The following CACNA1S variants were observed in gnomAD, a reference collection of about 807,000 sequenced individuals.
CACNA1S encodes the protein calcium voltage-gated channel subunit alpha1 S.
In CACNA1S, 126 loss-of-function variants were observed where a neutral mutation model predicts 207.4. That is an observed-to-expected ratio of 0.61 (90% CI 0.53 to 0.70). The LOEUF (loss-of-function observed/expected upper bound fraction) is 0.70. CACNA1S is among the 30% of genes least tolerant of loss of function. CACNA1S has a pLI of 0.00. For missense variants in CACNA1S, 2,349 were observed against 2,422.8 expected (o/e 0.97, Z 0.64); for synonymous variants, 960 against 932.7 (o/e 1.03, Z -0.53).
intron 2 of CACNA1S, among the ~76,000 whole-genome samples, chr1:201,095,027 GC>G (rs1337588689): frequency 1.3e-5 from 2 of 151,992 alleles, no homozygotes; most frequent in Non-Finnish European, 2.9e-5. Flanking sequence ...AAGAGCTCTG[GC>G]CTCCAGGCCT....
At chr1:201,069,803 T>C (rs1304912730) in intron 17 of CACNA1S, among the ~76,000 whole-genome samples, 1 of 152,132 alleles carries the variant, frequency 6.6e-6, no homozygotes, top group Non-Finnish European at 1.5e-5. Context: ...AAAGCCTTAG[T>C]TCCTCCTCCC....
intron 2 of CACNA1S, among the ~76,000 whole-genome samples, chr1:201,096,785 A>G (rs1196163430): frequency 2.0e-5 from 3 of 152,174 alleles, no homozygotes; most frequent in Non-Finnish European, 4.4e-5. Context: ...TGAATACATC[A>G]CAGCTATTCT....
At chr1:201,087,963 A>G in intron 6 of CACNA1S, 34 bp from the exon 7 acceptor site, 1 of 1,438,706 alleles carries the variant, frequency 7.0e-7, no homozygotes. Flanking sequence ...CTCTGAGTTG[A>G]GGGCTTGGTT....
intron 40 of CACNA1S, 35 bp downstream of exon 40, chr1:201,043,246 C>T (rs369907795): frequency 6.2e-7 from 1 of 1,613,766 alleles, no homozygotes; most frequent in Non-Finnish European, 8.5e-7. Flanking sequence ...CCTCCCAGTA[C>T]CTCTACACCC....
In CACNA1S at chr1:201,047,534, G is replaced by T; in HGVS notation, c.4534C>A (p.Pro1512Thr). The change falls in exon 37 of 44, where the codon CCA becomes ACA. Residue 1512 changes from proline (P) to threonine (T), a missense_variant. Coordinates refer to ENST00000362061, the MANE Select transcript of CACNA1S (RefSeq NM_000069.3). ...SMKLLDQVIPPIGDDEVTVGK... is the reference protein window; with the variant it reads ...SMKLLDQVIPTIGDDEVTVGK... ...CCAAAGTAGCACCTACCTCCTATTG[G>T]AGGGATGACCTGGTCCAAGAGCTTC... 1 of 1,613,598 alleles carries T rather than the reference G, an allele frequency of 6.2e-7. No individual in the cohort carries two copies.
rs1016971300 is a variant in CACNA1S, at chr1:201,066,652, T to C, written c.2657+235A>G. Among the ~76,000 whole-genome samples the C allele has an allele frequency of 1.3e-5, 2 of 152,130 alleles. No individual in the cohort carries two copies. The highest frequency in any genetic ancestry group is 4.8e-5 in the African/African-American group (2 of 41,434). On this transcript the variant is annotated intron_variant, in intron 20 of 43. Coordinates refer to ENST00000362061, the MANE Select transcript of CACNA1S (RefSeq NM_000069.3). The surrounding 1 kb of genome is among the most constrained non-coding windows in gnomAD (Gnocchi z 4.3). ...ACAGGGTCGGGGAGGGAGGGACCAC[T>C]TCCTCCTCTCTGCATCTCCTGCCAG...
intron 10 of CACNA1S, 104 bp from the exon 11 acceptor site, chr1:201,078,208 T>C: frequency 1.1e-6 from 1 of 902,540 alleles, no homozygotes. Flanking sequence ...CTTCCCTTGT[T>C]TCCAAGGCAC....
chr1:201,070,365 G>C lies in CACNA1S; in HGVS notation c.2267C>G (p.Pro756Arg), dbSNP rs954651884. 6.2e-7 allele frequency: 1 copy of C among 1,614,048 alleles called. No homozygotes were observed. Residue 756 changes from proline to arginine, a missense_variant, in exon 17 of 44, where the codon CCC becomes CGC. Physicochemically the swap from Pro to Arg is moderately radical, Grantham distance 103 (BLOSUM62 -2). Transcript: ENST00000362061. Reference protein sequence around the residue: ...EEDEPEIPLSPRPRPLAELQL... With the variant: ...EEDEPEIPLSRRPRPLAELQL... ...CAGCTCAGCCAGGGGACGTGGTCGG[G>C]GGCTCAGCGGGATCTCAGGCTCATC... is the stretch of plus-strand genomic sequence containing the variant.
At chr1:201,082,028 C>CT (rs1158693723) in intron 10 of CACNA1S, among the ~76,000 whole-genome samples, 2 of 100,870 alleles carry the variant, frequency 2.0e-5, no homozygotes, top group African/African-American at 6.3e-5. Context: ...GTCTCAGGTG[C>CT]ATTTTTTTTT....
intron 28 of CACNA1S, among the ~76,000 whole-genome samples, chr1:201,057,211 C>T (rs1439545935): frequency 6.6e-6 from 1 of 152,230 alleles, no homozygotes; most frequent in Non-Finnish European, 1.5e-5. Flanking sequence ...ACCTCATCTC[C>T]ACCACTCTCT....
rs140285296 is a variant in CACNA1S, at chr1:201,060,856, C to A, written c.3256-40G>T. ...ACAGGACAGGTCAGCACCAAGAGGCCCCTCCCTCCCTCTCCACACCCACAT... is the reference window on the plus strand; with the variant it reads ...ACAGGACAGGTCAGCACCAAGAGGCACCTCCCTCCCTCTCCACACCCACAT... On this transcript the variant is annotated intron_variant, in intron 25 of 43. Coordinates refer to ENST00000362061, the MANE Select transcript of CACNA1S (RefSeq NM_000069.3). 1,935 of 1,611,378 alleles carry A rather than the reference C, an allele frequency of 1.2e-3. 28 individuals carry two copies. The African/African-American group carries it at 0.023, about 20-fold the overall frequency.
At chr1:201,040,545 G>A in intron 42 of CACNA1S, 77 bp downstream of exon 42, 1 of 1,471,112 alleles carries the variant, frequency 6.8e-7, no homozygotes, top group Non-Finnish European at 9.5e-7. Flanking sequence ...GCCTTCCCCT[G>A]CCATGATCCC....
intron 10 of CACNA1S, among the ~76,000 whole-genome samples, chr1:201,081,755 G>A (rs530070543): frequency 1.3e-5 from 2 of 152,270 alleles, no homozygotes; most frequent in Non-Finnish European, 2.9e-5. Flanking sequence ...GAATGGCTTG[G>A]GCCATTTCTT....
chr1:201,079,771 T>C (rs1661775527), intron 10 of CACNA1S, among the ~76,000 whole-genome samples: 2 of 152,202 alleles, frequency 1.3e-5, no homozygotes, highest in African/African-American at 4.8e-5. Flanking sequence ...CTAAAGTCCA[T>C]GCCCTGACCC....
At chr1:201,052,506 A>G (rs1660688164) in intron 32 of CACNA1S, 51 bp downstream of exon 32, 1 of 1,432,170 alleles carries the variant, frequency 7.0e-7, no homozygotes, top group Non-Finnish European at 9.9e-7. Context: ...GAACAGAGCA[A>G]AGGCTGGACT....
chr1:201,062,376 C>T, intron 23 of CACNA1S, 86 bp downstream of exon 23: 1 of 1,352,448 alleles, frequency 7.4e-7, no homozygotes, highest in South Asian at 1.2e-5. Flanking sequence ...GTGACCGTAA[C>T]CCTCCCACAG....
At chr1:201,061,610 G>T (rs1661053722) in intron 24 of CACNA1S, 142 bp from the exon 25 acceptor site, 2 of 804,932 alleles carry the variant, frequency 2.5e-6, no homozygotes, top group South Asian at 1.8e-5. Context: ...CAGGAGTTAG[G>T]TCGGCGCCAG....
At position 201,093,992 on chromosome 1, in the gene CACNA1S, G is replaced by A. The variant is rs548832647; in HGVS notation, c.288C>T (p.Val96=). ...TCTTCATGGCGGCTTCAATCGAGAA[G>A]ACAATGAGGAAGAAATACTCCAGCT... ...LEKLEYFFLI[V]FSIEAAMKII... The change falls in exon 3 of 44, where the codon GTC becomes GTT. Residue 96 remains valine, a synonymous_variant. Coordinates refer to ENST00000362061, the MANE Select transcript of CACNA1S (RefSeq NM_000069.3). 1.4e-5 allele frequency: 23 copies of A among 1,614,100 alleles called. No individual in the cohort carries two copies. The Middle Eastern group carries it at 8.2e-4, about 58-fold the overall frequency.
chr1:201,069,563 C>T lies in CACNA1S; in HGVS notation c.2399G>A (p.Trp800Ter). The T allele has an allele frequency of 6.4e-7, 1 of 1,568,744 alleles. No homozygotes were observed. Among genetic ancestry groups the T allele is most frequent in the Non-Finnish European group, 8.6e-7 (1 of 1,156,284 alleles). ...GAAGAGCAGGATGAAGTTGGTAAAC[C>T]AGGTGGCATTGACGATGCGGTGACA... ...VLCHRIVNAT[W>*]FTNFILLFIL... Residue 800 changes from tryptophan (W) to a stop codon, truncating the protein, a stop_gained, in exon 18 of 44, where the codon TGG (tryptophan) becomes TAG (stop). Coordinates refer to ENST00000362061, the MANE Select transcript of CACNA1S (RefSeq NM_000069.3). LOFTEE classifies it high-confidence loss of function.
Sources: gnomAD v4.1 joint callset for allele counts (sites outside exome capture counted in the v4.1 genomes callset) on GRCh38, gnomAD v4.1.1 for gene constraint, Gnocchi (gnomAD v3.1) non-coding constraint, MANE v1.5 for transcripts, NCBI Gene and HGNC (gene_info 2026-07-23, HGNC 2026-07-21) for gene names.